Variants in BTAF1 observed in about 807,000 individuals in gnomAD.
The protein encoded by BTAF1 is TATA-binding protein-associated factor 172.
BTAF1 carries 38 observed loss-of-function variants against 227.1 expected under a neutral mutation model. The ratio of observed to expected loss-of-function variants is 0.17; its 90% CI spans 0.13 to 0.22. BTAF1 has a LOEUF of 0.22. Ranked by LOEUF, BTAF1 falls within the 10% of genes least tolerant of loss-of-function variation. The pLI is 1.00. For missense variants in BTAF1, 1,598 were observed against 2,204.0 expected, an observed-to-expected ratio of 0.73 and a Z score of 5.51; for synonymous variants, 742 against 751.9, an observed-to-expected ratio of 0.99 and a Z score of 0.21.
chr10:91,938,987 AAAGGG>A (rs1844819751), intron 2 of BTAF1, among the ~76,000 whole-genome samples: 2 of 127,580 alleles, frequency 1.6e-5, no homozygotes, highest in South Asian at 3.5e-4. Context: ...AAAAAAAAAA[AAAGGG>A]GGGGGGGATT....
chr10:92,010,522 T>A (rs535186742), intron 28 of BTAF1, among the ~76,000 whole-genome samples: 2 of 152,310 alleles, frequency 1.3e-5, no homozygotes, highest in South Asian at 4.1e-4. Flanking sequence ...TGGGCTTCAG[T>A]CTACAGTTGG....
At chr10:91,931,952 A>T (rs1278759554) in intron 1 of BTAF1, among the ~76,000 whole-genome samples, 1 of 152,218 alleles carries the variant, frequency 6.6e-6, no homozygotes, top group South Asian at 2.1e-4. Flanking sequence ...CCAAAGTGGA[A>T]GAAGTAAGGA....
chr10:92,027,109 T>G (rs2134190525), intron 36 of BTAF1, 21 bp from the exon 37 acceptor site: 1 of 1,600,180 alleles, frequency 6.2e-7, no homozygotes, highest in South Asian at 1.1e-5. Context: ...TTACGGTTGC[T>G]TAACTGTTTT....
chr10:91,954,610 T>C (rs967901401), intron 6 of BTAF1, among the ~76,000 whole-genome samples: 1 of 151,750 alleles, frequency 6.6e-6, no homozygotes, highest in African/African-American at 2.4e-5. Flanking sequence ...CAGGCTGGAG[T>C]GCAGTGGCTC....
At chr10:91,995,868 T>C (rs1849113156) in intron 23 of BTAF1, among the ~76,000 whole-genome samples, 1 of 152,208 alleles carries the variant, frequency 6.6e-6, no homozygotes, top group Non-Finnish European at 1.5e-5. Context: ...CTGTTGTGAT[T>C]ATAACACCTA....
At chr10:91,940,467 A>C (rs924530123) in intron 3 of BTAF1, among the ~76,000 whole-genome samples, 16 of 152,012 alleles carry the variant, frequency 1.1e-4, no homozygotes, top group Admixed American at 2.6e-4. Context: ...GATATTTGGA[A>C]TGTGAAGTCT....
chr10:91,984,308 A>G lies in BTAF1; in HGVS notation c.2331A>G (p.Glu777=). ...TTCCATTCACACGAATGCAGAATGA[A>G]TGTAAACAACTTATATCATCATTAG... ...IAVPFTRMQN[E]CKQLISSLAD... is the part of the protein sequence containing the mutation. Residue 777 remains glutamate (E), a synonymous_variant, in exon 19 of 38, where the codon GAA becomes GAG. Transcript: ENST00000265990. 1 of 1,613,872 alleles carries G rather than the reference A, an allele frequency of 6.2e-7. No homozygotes were observed. Among genetic ancestry groups the G allele is most frequent in the Non-Finnish European group, 8.5e-7 (1 of 1,179,854 alleles).
At chr10:91,958,535 C>G (rs970949311) in intron 8 of BTAF1, among the ~76,000 whole-genome samples, 5 of 151,854 alleles carry the variant, frequency 3.3e-5, no homozygotes, top group African/African-American at 1.2e-4. Context: ...AACCCTGTCT[C>G]TACTAAAAAT....
chr10:91,951,282 G>A (rs1845748391), intron 4 of BTAF1, 121 bp from the exon 5 acceptor site: 1 of 972,270 alleles, frequency 1.0e-6, no homozygotes. Flanking sequence ...AATGAATATG[G>A]TTGGTTTTAT....
chr10:91,943,989 A>G (rs2133826335), intron 4 of BTAF1, among the ~76,000 whole-genome samples: 1 of 152,150 alleles, frequency 6.6e-6, no homozygotes, highest in East Asian at 1.9e-4. Context: ...TGTCTGTACT[A>G]AAAATATGAA....
At position 91,950,371 on chromosome 10, in the gene BTAF1, T is replaced by C. The variant is rs1242579779; in HGVS notation, c.401-1032T>C. 2.6e-5 allele frequency among the ~76,000 whole-genome samples: 4 copies of C among 151,904 alleles called. No homozygotes were observed. In the East Asian group the frequency reaches 7.7e-4, roughly 29 times the overall value. Reference sequence around the variant, plus strand: ...CTTTTTTTTTTTTTCCTGGTGCCTTTAGGTAGTTTGTTTTTTCTGTTTTTG... The same window carrying C: ...CTTTTTTTTTTTTTCCTGGTGCCTTCAGGTAGTTTGTTTTTTCTGTTTTTG... On this transcript the variant is annotated intron_variant, in intron 4 of 37. Transcript: ENST00000265990.
chr10:92,022,804 A>G (rs982099070), intron 34 of BTAF1, among the ~76,000 whole-genome samples: 1 of 152,236 alleles, frequency 6.6e-6, no homozygotes, highest in Non-Finnish European at 1.5e-5. Flanking sequence ...ACAGCTGAAT[A>G]GTAATTTGAT....
chr10:91,958,259 C>G (rs1846236802), intron 8 of BTAF1, among the ~76,000 whole-genome samples: 3 of 152,044 alleles, frequency 2.0e-5, no homozygotes, highest in Admixed American at 1.3e-4. Flanking sequence ...ATCATTTTGG[C>G]CAGGCTGGTC....
chr10:91,962,184 G>A (rs1589819158), intron 11 of BTAF1, among the ~76,000 whole-genome samples: 1 of 152,052 alleles, frequency 6.6e-6, no homozygotes, highest in Admixed American at 6.5e-5. Context: ...TACTTTGATT[G>A]TACCTTTTCT....
At chr10:92,013,613 T>C in intron 30 of BTAF1, 54 bp from the exon 31 acceptor site, 1 of 1,607,322 alleles carries the variant, frequency 6.2e-7, no homozygotes, top group East Asian at 2.2e-5. Context: ...GTTACTTTTT[T>C]AGTTGTAAGG....
chr10:91,950,170 C>G (rs1359465972), intron 4 of BTAF1, among the ~76,000 whole-genome samples: 1 of 139,718 alleles, frequency 7.2e-6, no homozygotes, highest in African/African-American at 2.6e-5. Flanking sequence ...GGAAAGAAGA[C>G]TAGGTTTTTA....
chr10:91,960,204 A>G (rs746840318), intron 11 of BTAF1, 50 bp downstream of exon 11: 1 of 1,556,754 alleles, frequency 6.4e-7, no homozygotes, highest in South Asian at 1.2e-5. Flanking sequence ...TTTCCCCCTT[A>G]TAGTTTATTT....
intron 8 of BTAF1, 125 bp downstream of exon 8, chr10:91,957,418 C>T (rs1213752746): frequency 1.8e-5 from 11 of 612,646 alleles, no homozygotes; most frequent in Admixed American, 8.6e-5. Context: ...ACTCAGGGCA[C>T]GTCATATCAT....
At position 91,935,692 on chromosome 10, in the gene BTAF1, C is replaced by T; in HGVS notation, c.50C>T (p.Thr17Ile). The T allele has an allele frequency of 6.2e-7, 1 of 1,613,706 alleles. No homozygotes were observed. The highest frequency in any genetic ancestry group is 8.5e-7 in the Non-Finnish European group (1 of 1,179,742). ...CTTTTTATTTTACTGGATACTGGCA[C>T]TACTCCTGTTACAAGAAAAGCTGCT... is the stretch of plus-strand genomic sequence containing the variant. ...DRLFILLDTG[T>I]TPVTRKAAAQ... is the part of the protein sequence containing the mutation. Residue 17 changes from threonine to isoleucine, a missense_variant, in exon 2 of 38, where the codon ACT becomes ATT. Coordinates refer to ENST00000265990, the MANE Select transcript of BTAF1 (RefSeq NM_003972.3).
Sources: allele counts gnomAD v4.1 joint callset (sites outside exome capture counted in the v4.1 genomes callset), GRCh38; gene constraint gnomAD v4.1.1; transcripts MANE v1.5; gene names NCBI Gene and HGNC (gene_info 2026-07-23, HGNC 2026-07-21).